The following ZSWIM5 variants were observed in gnomAD, a reference collection of about 807,000 sequenced individuals.
The protein encoded by ZSWIM5 is zinc finger SWIM domain-containing protein 5.
A neutral mutation model predicts 119.6 loss-of-function variants in ZSWIM5; 55 were observed. The ratio of observed to expected loss-of-function variants is 0.46; its 90% CI spans 0.37 to 0.58. The LOEUF (loss-of-function observed/expected upper bound fraction) is 0.58, where lower values mean the gene tolerates loss of function less well. Among genes scored for constraint, ZSWIM5 ranks in the 20% least tolerant of loss-of-function variants. The probability of loss-of-function intolerance (pLI) is 0.00; values close to 1 mark genes in which losing one functional copy is unlikely to be tolerated. For missense variants in ZSWIM5, 1,193 were observed against 1,512.8 expected, an observed-to-expected ratio of 0.79 and a Z score of 3.51; for synonymous variants, 537 against 606.9, an observed-to-expected ratio of 0.88 and a Z score of 1.69.
intron 1 of ZSWIM5, among the ~76,000 whole-genome samples, chr1:45,127,948 T>C (rs1645631331): frequency 6.6e-6 from 1 of 152,190 alleles, no homozygotes; most frequent in South Asian, 2.1e-4. Flanking sequence ...ACTTTTATGC[T>C]GGAAACTATA....
chr1:45,054,960 G>T (rs971975047), intron 4 of ZSWIM5, among the ~76,000 whole-genome samples: 4 of 152,122 alleles, frequency 2.6e-5, no homozygotes, highest in African/African-American at 9.6e-5. Flanking sequence ...TAAGTAACTG[G>T]CATTACAGGC....
chr1:45,175,904 T>C (rs975677290), intron 1 of ZSWIM5, among the ~76,000 whole-genome samples: 1 of 151,950 alleles, frequency 6.6e-6, no homozygotes, highest in African/African-American at 2.4e-5. Context: ...TGTATCCTTT[T>C]TGATGTGTTG....
At chr1:45,198,106 A>G (rs971986427) in intron 1 of ZSWIM5, among the ~76,000 whole-genome samples, 1 of 152,216 alleles carries the variant, frequency 6.6e-6, no homozygotes, top group Non-Finnish European at 1.5e-5. Context: ...ACAACAGACA[A>G]TATCATAGAC....
At chr1:45,049,939 T>C (rs1645079995) in intron 5 of ZSWIM5, among the ~76,000 whole-genome samples, 1 of 152,236 alleles carries the variant, frequency 6.6e-6, no homozygotes, top group Admixed American at 6.5e-5. Flanking sequence ...TTTACCTCTT[T>C]CATTACCTTA....
intron 1 of ZSWIM5, among the ~76,000 whole-genome samples, chr1:45,127,013 C>T (rs76623793): frequency 0.021 from 3,138 of 152,156 alleles, 116 homozygotes; most frequent in African/African-American, 0.072. Context: ...TGCCAAATCA[C>T]TTTATTAAAC....
chr1:45,084,502 AG>A (rs1166677929), intron 2 of ZSWIM5, among the ~76,000 whole-genome samples: 1 of 152,216 alleles, frequency 6.6e-6, no homozygotes. Flanking sequence ...CACCATCCAA[AG>A]TCTCATCTGA....
chr1:45,031,333 T>A (rs1329330433), intron 11 of ZSWIM5, among the ~76,000 whole-genome samples: 1 of 151,424 alleles, frequency 6.6e-6, no homozygotes, highest in Non-Finnish European at 1.5e-5. Flanking sequence ...CATGCCACCA[T>A]GCTCACGCAA....
Position 45,082,017 on chromosome 1 carries a change from T to G in ZSWIM5, c.952+5864A>C, listed in dbSNP as rs867890065. Among the ~76,000 whole-genome samples, 30 of 152,338 alleles carry G rather than the reference T, an allele frequency of 2.0e-4. No individual in the cohort carries two copies. In the Middle Eastern group the frequency reaches 0.01, roughly 52 times the overall value. On this transcript the variant is annotated intron_variant, in intron 2 of 13. Coordinates refer to ENST00000359600, the MANE Select transcript of ZSWIM5 (RefSeq NM_020883.2). ...CTTCTGCCTTGGGATCCTGTTGATC[T>G]GTGACCTTATCCCCAACCCTGTGCT...
At chr1:45,179,469 G>GA (rs1646001472) in intron 1 of ZSWIM5, among the ~76,000 whole-genome samples, 3 of 151,876 alleles carry the variant, frequency 2.0e-5, no homozygotes, top group South Asian at 2.1e-4. Context: ...GGTTAGGGTT[G>GA]AAAAAAAATA....
At chr1:45,028,065 G>T (rs1644930784) in intron 11 of ZSWIM5, among the ~76,000 whole-genome samples, 1 of 151,978 alleles carries the variant, frequency 6.6e-6, no homozygotes. Flanking sequence ...TGGCCAGGCT[G>T]GTCTCGAACT....
chr1:45,065,680 C>T (rs1645178437), intron 2 of ZSWIM5, among the ~76,000 whole-genome samples: 1 of 151,924 alleles, frequency 6.6e-6, no homozygotes, highest in African/African-American at 2.4e-5. Flanking sequence ...CTACAATGGA[C>T]CCCAGGAGAA....
intron 1 of ZSWIM5, among the ~76,000 whole-genome samples, chr1:45,159,236 T>C (rs1383032224): frequency 2.0e-5 from 3 of 152,160 alleles, no homozygotes; most frequent in African/African-American, 7.2e-5. Flanking sequence ...TATTATATAA[T>C]ATAGAACTTG....
chr1:45,202,539 A>T (rs1646163994), intron 1 of ZSWIM5, among the ~76,000 whole-genome samples: 1 of 152,046 alleles, frequency 6.6e-6, no homozygotes, highest in Admixed American at 6.6e-5. Flanking sequence ...TGTACTTATT[A>T]AAAAATGTGT....
intron 1 of ZSWIM5, among the ~76,000 whole-genome samples, chr1:45,130,640 G>A (rs2149030593): frequency 6.6e-6 from 1 of 152,312 alleles, no homozygotes; most frequent in East Asian, 1.9e-4. Context: ...TAAGTTGTTG[G>A]TGGAAATGTA....
chr1:45,157,395 G>A (rs570803708), intron 1 of ZSWIM5, among the ~76,000 whole-genome samples: 10 of 152,204 alleles, frequency 6.6e-5, no homozygotes, highest in Middle Eastern at 3.4e-3. Context: ...GGCTGGTTTC[G>A]AACTCCTGGG....
At chr1:45,153,126 A>T (rs1465045504) in intron 1 of ZSWIM5, among the ~76,000 whole-genome samples, 1 of 151,518 alleles carries the variant, frequency 6.6e-6, no homozygotes, top group East Asian at 1.9e-4. Context: ...AAGAAAAAAC[A>T]GATGCTGGTG....
chr1:45,180,367 C>G (rs1051772478), intron 1 of ZSWIM5, among the ~76,000 whole-genome samples: 5 of 152,172 alleles, frequency 3.3e-5, no homozygotes, highest in African/African-American at 4.8e-5. Context: ...AAGGCAGCAG[C>G]GAGGCTGGGG....
chr1:45,134,133 T>C (rs1262628578), intron 1 of ZSWIM5, among the ~76,000 whole-genome samples: 2 of 152,134 alleles, frequency 1.3e-5, no homozygotes, highest in Non-Finnish European at 2.9e-5. Context: ...AGTAGTTTTT[T>C]CCAATTCTGT....
chr1:45,018,439 G>T lies in ZSWIM5; in HGVS notation c.*15C>A. 6.2e-7 allele frequency: 1 copy of T among 1,608,398 alleles called. No homozygotes were observed. Among genetic ancestry groups the T allele is most frequent in the South Asian group, 1.1e-5 (1 of 90,178 alleles). ...TGGGAACCCAGGCTGCTCTGGCAGT[G>T]AGCTATCTGCTCTCTCAGCCAAAGC... On this transcript the variant is annotated 3_prime_UTR_variant, in exon 14 of 14. Transcript: ENST00000359600. The surrounding 1 kb of genome is among the most constrained non-coding windows in gnomAD (Gnocchi z 6.7).
Sources: allele counts gnomAD v4.1 joint callset (sites outside exome capture counted in the v4.1 genomes callset), GRCh38; gene constraint gnomAD v4.1.1; non-coding constraint Gnocchi (gnomAD v3.1); transcripts MANE v1.5; gene names NCBI Gene and HGNC (gene_info 2026-07-23, HGNC 2026-07-21).